GBP2: variants seen among roughly 807,000 people sequenced by gnomAD.
GBP2 encodes the protein guanylate binding protein 2, also known as guanylate-binding protein 2.
A neutral mutation model predicts 60.8 loss-of-function variants in GBP2; 54 were observed. The observed-to-expected ratio is 0.89, with a 90% CI of 0.71 to 1.11. GBP2 has a LOEUF of 1.11. GBP2 is among the 50% of genes most tolerant of loss of function. GBP2 has a pLI of 0.00. For synonymous variants in GBP2, 243 were observed against 256.5 expected, an observed-to-expected ratio of 0.95 and a Z score of 0.50; for missense variants, 665 against 703.3, an observed-to-expected ratio of 0.95 and a Z score of 0.62.
rs2230338 is a variant in GBP2 at position 89,114,258 on chromosome 1, T to C, written c.907A>G (p.Ser303Gly). 0.66 allele frequency: 1,067,652 copies of C among 1,614,012 alleles called. 355,193 individuals carry two copies. The highest frequency in any genetic ancestry group is 0.78 in the East Asian group (34,942 of 44,874). Residue 303 changes from serine to glycine, a missense_variant, in exon 7 of 11, where the codon AGC (serine) becomes GGC (glycine). Coordinates refer to ENST00000370466, the MANE Select transcript of GBP2 (RefSeq NM_004120.5). ...TCCATGCAGGGTAGATCCCCACTGCTGATGGCATTGACGTAGGTCAGCACC... is the reference window on the plus strand; with the variant it reads ...TCCATGCAGGGTAGATCCCCACTGCCGATGGCATTGACGTAGGTCAGCACC... ...SLVLTYVNAI[S>G]SGDLPCMENA... is the part of the protein sequence containing the mutation.
intron 1 of GBP2, among the ~76,000 whole-genome samples, chr1:89,123,264 C>CTACA (rs1305897461): frequency 6.6e-6 from 1 of 152,182 alleles, no homozygotes; most frequent in Non-Finnish European, 1.5e-5. Context: ...AAGATTATCA[C>CTACA]ACTAGGTGTA....
chr1:89,120,291 G>A lies in GBP2; in HGVS notation c.319-3C>T. ...CAGGAGTCATTCTCATTGTCACCCT[G>A]TAAGTCATTGTAGAAGCCACAAAGA... On this transcript the variant is annotated splice_region_variant and splice_polypyrimidine_tract_variant and intron_variant, in intron 3 of 10. Transcript: ENST00000370466. 6.2e-7 allele frequency: 1 copy of A among 1,605,748 alleles called. No individual in the cohort carries two copies. Among genetic ancestry groups the A allele is most frequent in the Non-Finnish European group, 8.5e-7 (1 of 1,172,514 alleles).
Position 89,109,678 on chromosome 1 carries a change from T to C in GBP2, c.1658A>G (p.Gln553Arg). The change falls in exon 10 of 11, where the codon CAG becomes CGG. Residue 553 changes from glutamine (Q) to arginine (R), a missense_variant and splice_region_variant. Coordinates refer to ENST00000370466, the MANE Select transcript of GBP2 (RefSeq NM_004120.5). Reference sequence around the variant, plus strand: ...AATTGAGATGATGCAATTGAATACCTGAAGTTTAAGAGCGAGGGTCTTCTC... The same window carrying C: ...AATTGAGATGATGCAATTGAATACCCGAAGTTTAAGAGCGAGGGTCTTCTC... ...EQEKTLALKLQEQERLLKEGF... is the reference protein window; with the variant it reads ...EQEKTLALKLREQERLLKEGF... The C allele has an allele frequency of 6.2e-7, 1 of 1,612,730 alleles. No homozygotes were observed.
In GBP2 at chr1:89,107,816, G is replaced by A. The variant is rs1337528268; in HGVS notation, c.*359C>T. On this transcript the variant is annotated 3_prime_UTR_variant, in exon 11 of 11. Coordinates refer to ENST00000370466, the MANE Select transcript of GBP2 (RefSeq NM_004120.5). ...ATAGGACTGAATATACAGTAAGGGT[G>A]GTGCATATGAGAGAAAAAAATCTAC... Among the ~76,000 whole-genome samples the A allele has an allele frequency of 6.6e-6, 1 of 152,062 alleles. No homozygotes were observed. The highest frequency in any genetic ancestry group is 1.5e-5 in the Non-Finnish European group (1 of 68,016).
In GBP2 at chr1:89,121,981, T is replaced by C; in HGVS notation, c.-15A>G. On this transcript the variant is annotated splice_region_variant and 5_prime_UTR_variant, in exon 2 of 11. Coordinates refer to ENST00000370466, the MANE Select transcript of GBP2 (RefSeq NM_004120.5). ...TCTGGAGCCATGTCCAGGGTGTTGT[T>C]CCCTTGTGTGCAAGGAAAAAGATGA... 1 of 1,595,746 alleles carries C rather than the reference T, an allele frequency of 6.3e-7. No homozygotes were observed. Among genetic ancestry groups the C allele is most frequent in the Non-Finnish European group, 8.6e-7 (1 of 1,169,416 alleles).
In GBP2 at chr1:89,107,231, C is replaced by A. The variant is rs1410281672; in HGVS notation, c.*944G>T. Among the ~76,000 whole-genome samples, 5 of 150,990 alleles carry A rather than the reference C, an allele frequency of 3.3e-5. No homozygotes were observed. The highest frequency in any genetic ancestry group is 3.3e-4 in the Admixed American group (5 of 15,196). On this transcript the variant is annotated 3_prime_UTR_variant, in exon 11 of 11. Transcript: ENST00000370466. Reference sequence around the variant, plus strand: ...TTTTTTTTTTTTAGTAAGTCATTTACCCTGAGTAGCTTTGAGGATATAATG... The same window carrying A: ...TTTTTTTTTTTTAGTAAGTCATTTAACCTGAGTAGCTTTGAGGATATAATG...
chr1:89,120,212 C>T lies in GBP2; in HGVS notation c.395G>A (p.Gly132Glu). The change falls in exon 4 of 11, where the codon GGA (glycine) becomes GAA (glutamate). Residue 132 changes from glycine (G) to glutamate (E), a missense_variant. Physicochemically the swap from Gly to Glu is moderately conservative, Grantham distance 98. Transcript: ENST00000370466. The part of the protein sequence containing the change: ...LSSTFVYNSM[G>E]TINQQAMDQL... The stretch of plus-strand genomic sequence containing the variant: ...GTCCATGGCCTGCTGGTTGATGGTT[C>T]CCATGCTATTGTACACGAAGGTGCT... 6.2e-7 allele frequency: 1 copy of T among 1,613,930 alleles called. No individual in the cohort carries two copies. Among genetic ancestry groups the T allele is most frequent in the Non-Finnish European group, 8.5e-7 (1 of 1,179,874 alleles).
chr1:89,122,737 G>A (rs530913926), intron 1 of GBP2, among the ~76,000 whole-genome samples: 331 of 152,264 alleles, frequency 2.2e-3, no homozygotes, highest in African/African-American at 7.7e-3. Flanking sequence ...AGTACCATTT[G>A]AAGAGACAGT....
intron 4 of GBP2, chr1:89,119,635 G>A (rs192766444): frequency 1.3e-5 from 2 of 152,268 alleles, no homozygotes; most frequent in Non-Finnish European, 2.9e-5. Context: ...TAGTCTGAGG[G>A]CATATATATT....
chr1:89,110,410 C>T (rs550964114), intron 8 of GBP2, 144 bp from the exon 9 acceptor site: 32 of 642,996 alleles, frequency 5.0e-5, no homozygotes, highest in South Asian at 2.7e-4. Context: ...CAGCACAATT[C>T]GCAATTGTAA....
rs773378428 is a variant in GBP2, at chr1:89,113,984, C to G, written c.1149+32G>C. 5 of 1,607,474 alleles carry G rather than the reference C, an allele frequency of 3.1e-6. No homozygotes were observed. In the South Asian group the frequency reaches 5.5e-5, roughly 18 times the overall value. ...TTTCCCATGAAGGGCCCATATTTTT[C>G]TGCCTCTCATGACGTAGAACACCAA... On this transcript the variant is annotated intron_variant, in intron 7 of 10. Coordinates refer to ENST00000370466, the MANE Select transcript of GBP2 (RefSeq NM_004120.5).
rs768556961 is a variant in GBP2 at position 89,108,150 on chromosome 1, C to T, written c.*25G>A. The stretch of plus-strand genomic sequence containing the variant: ...TGTTTCTTGGGGAGAGGGAGCTGGA[C>T]AGGCAAATTTTGCTCCTTGGACTTT... On this transcript the variant is annotated 3_prime_UTR_variant, in exon 11 of 11. Coordinates refer to ENST00000370466, the MANE Select transcript of GBP2 (RefSeq NM_004120.5). The T allele has an allele frequency of 9.7e-6, 13 of 1,344,852 alleles. No individual in the cohort carries two copies. The East Asian group carries it at 2.6e-4, about 26-fold the overall frequency. The allele number at this position is 1,344,852 out of a possible 1,614,324, so 83.3% of individuals were successfully genotyped here.
intron 1 of GBP2, among the ~76,000 whole-genome samples, chr1:89,123,672 T>C (rs1157054812): frequency 6.6e-6 from 1 of 152,262 alleles, no homozygotes; most frequent in Non-Finnish European, 1.5e-5. Context: ...TACTATTTCC[T>C]TCTCCATTCT....
In GBP2 at chr1:89,108,074, G is replaced by C. The variant is rs1681088003; in HGVS notation, c.*101C>G. 1 of 679,572 alleles carries C rather than the reference G, an allele frequency of 1.5e-6. No individual in the cohort carries two copies. Among genetic ancestry groups the C allele is most frequent in the Admixed American group, 2.4e-5 (1 of 41,452 alleles). 42.1% of individuals were successfully genotyped at this position (679,572 alleles called of 1,614,324 possible). On this transcript the variant is annotated 3_prime_UTR_variant, in exon 11 of 11. Coordinates refer to ENST00000370466, the MANE Select transcript of GBP2 (RefSeq NM_004120.5). ...ACAAAAATGCATGCATCATGATTTT[G>C]AGTTAAGTTTAATGGCAGTTGTTTG... is the stretch of plus-strand genomic sequence containing the variant.
chr1:89,121,854 A>G lies in GBP2; in HGVS notation c.113T>C (p.Val38Ala). The G allele has an allele frequency of 6.2e-7, 1 of 1,614,120 alleles. No homozygotes were observed. Among genetic ancestry groups the G allele is most frequent in the Non-Finnish European group, 8.5e-7 (1 of 1,179,996 alleles). Residue 38 changes from valine (V) to alanine (A), a missense_variant, in exon 2 of 11, where the codon GTG becomes GCG. Coordinates refer to ENST00000370466, the MANE Select transcript of GBP2 (RefSeq NM_004120.5). The stretch of plus-strand genomic sequence containing the variant: ...GAGGCCCACAATCGCCACCACCACC[A>G]CAGGCTGCGTAATTGCAGATAGGAT... Reference protein sequence around the residue: ...LKILSAITQPVVVVAIVGLYR... With the variant: ...LKILSAITQPAVVVAIVGLYR...
intron 5 of GBP2, 139 bp downstream of exon 5, chr1:89,117,438 A>G: frequency 1.1e-6 from 1 of 920,278 alleles, no homozygotes. Flanking sequence ...GATATAGTCA[A>G]GCAATGTTTC....
intron 6 of GBP2, 68 bp downstream of exon 6, chr1:89,116,924 C>T: frequency 6.5e-7 from 1 of 1,541,210 alleles, no homozygotes. Context: ...TTATGCTTTC[C>T]ATTTTATCCT....
At chr1:89,115,162 G>A (rs938376572) in intron 6 of GBP2, among the ~76,000 whole-genome samples, 6 of 152,192 alleles carry the variant, frequency 3.9e-5, no homozygotes, top group African/African-American at 7.2e-5. Context: ...AACTCGAAAC[G>A]CTGGAGACAG....
At position 89,108,191 on chromosome 1, in the gene GBP2, A is replaced by T. The variant is rs565679628; in HGVS notation, c.1760T>A (p.Ile587Lys). Residue 587 changes from isoleucine to lysine, a missense_variant, in exon 11 of 11, where the codon ATA (isoleucine) becomes AAA (lysine). By Grantham distance (102) the Ile-to-Lys change is moderately radical. Transcript: ENST00000370466. ...IQMRSKSLEP[I>K]CNIL ...CTTGGACTTTTAGAGTATGTTACAT[A>T]TTGGCTCCAATGATTTGCTTCTCAT... 2 of 1,609,008 alleles carry T rather than the reference A, an allele frequency of 1.2e-6. No homozygotes were observed. Among genetic ancestry groups the T allele is most frequent in the Admixed American group, 3.3e-5 (2 of 59,954 alleles).
Sources: gnomAD v4.1 joint callset for allele counts (sites outside exome capture counted in the v4.1 genomes callset) on GRCh38, gnomAD v4.1.1 for gene constraint, MANE v1.5 for transcripts, NCBI Gene and HGNC (gene_info 2026-07-23, HGNC 2026-07-21) for gene names.